C13orf42: variants seen among roughly 807,000 people sequenced by gnomAD.
The protein encoded by C13orf42 is chromosome 13 open reading frame 42, also known as uncharacterized protein C13orf42.
intron 1 of C13orf42, among the ~76,000 whole-genome samples, chr13:51,166,785 T>C (rs1247023220): frequency 2.6e-5 from 4 of 152,098 alleles, no homozygotes; most frequent in Non-Finnish European, 1.5e-5. Context: ...CATATTCAAA[T>C]ATGAAACATC....
intron 1 of C13orf42, among the ~76,000 whole-genome samples, chr13:51,102,487 A>G (rs1385220595): frequency 1.3e-5 from 2 of 152,202 alleles, no homozygotes; most frequent in Non-Finnish European, 2.9e-5. Context: ...GAATAAAACT[A>G]TTTTCACTAA....
chr13:51,099,485 T>C (rs1459556489), intron 1 of C13orf42, among the ~76,000 whole-genome samples: 1 of 152,196 alleles, frequency 6.6e-6, no homozygotes, highest in Non-Finnish European at 1.5e-5. Flanking sequence ...GAAACTCTAG[T>C]ATAACTAAAC....
chr13:51,164,172 C>A (rs1482234591), intron 1 of C13orf42, among the ~76,000 whole-genome samples: 1 of 152,186 alleles, frequency 6.6e-6, no homozygotes, highest in African/African-American at 2.4e-5. Flanking sequence ...AAATTGAAGT[C>A]ATGTCTACTG....
chr13:51,171,637 T>G lies in C13orf42; in HGVS notation n.136+616A>C, dbSNP rs1045202398. Among the ~76,000 whole-genome samples, 13 of 152,294 alleles carry G rather than the reference T, an allele frequency of 8.5e-5. No individual in the cohort carries two copies. The South Asian group carries it at 2.7e-3, about 32-fold the overall frequency. ...TTTTATCACCTCCCCTCCTCACACCTGGTCGGGCTTACAGTTTCGTTCGGT... is the reference window on the plus strand; with the variant it reads ...TTTTATCACCTCCCCTCCTCACACCGGGTCGGGCTTACAGTTTCGTTCGGT... On this transcript the variant is annotated intron_variant and non_coding_transcript_variant, in intron 1 of 4. Coordinates refer to the C13orf42 transcript ENST00000433280.
At chr13:51,161,708 A>G in intron 1 of C13orf42, 1 of 217,326 alleles carries the variant, frequency 4.6e-6, no homozygotes. Flanking sequence ...TCCATTAGGT[A>G]ATGCACGTTG....
intron 1 of C13orf42, among the ~76,000 whole-genome samples, chr13:51,095,433 T>A (rs979942788): frequency 6.6e-6 from 1 of 152,114 alleles, no homozygotes; most frequent in Non-Finnish European, 1.5e-5. Context: ...CATACCCCCC[T>A]CTCTATTTCT....
At chr13:51,153,629 T>C (rs1164487629) in intron 1 of C13orf42, among the ~76,000 whole-genome samples, 1 of 138,046 alleles carries the variant, frequency 7.2e-6, no homozygotes, top group Admixed American at 7.3e-5. Context: ...CTGTTTTTTT[T>C]CTTTTTTTTT....
chr13:51,126,718 G>A (rs909298359), intron 1 of C13orf42, among the ~76,000 whole-genome samples: 1 of 152,210 alleles, frequency 6.6e-6, no homozygotes, highest in African/African-American at 2.4e-5. Context: ...CAGGGACGAT[G>A]GGAGTGAATT....
At chr13:51,164,652 C>T (rs532483953) in intron 1 of C13orf42, among the ~76,000 whole-genome samples, 1 of 152,222 alleles carries the variant, frequency 6.6e-6, no homozygotes, top group Middle Eastern at 3.4e-3. Flanking sequence ...AATGCAAGAC[C>T]CTGTCTCTAA....
At position 51,087,973 on chromosome 13, in the gene C13orf42, G is replaced by A. The variant is rs566803557; in HGVS notation, c.517C>T (p.Arg173Trp). The change falls in exon 2 of 4, where the codon CGG becomes TGG. Residue 173 changes from arginine to tryptophan, a missense_variant. By Grantham distance (101) the Arg-to-Trp change is moderately radical. Coordinates refer to ENST00000563710, the MANE Select transcript of C13orf42 (RefSeq NM_001351589.3). ...IAELDTERRP[R>W]AAEASLPNED... ...TTTGGCAGGCTGGCCTCAGCAGCCC[G>A]GGGTCGTCTCTCTGTATCCAGCTCT... 7 of 398,908 alleles carry A rather than the reference G, an allele frequency of 1.8e-5. No homozygotes were observed. The highest frequency in any genetic ancestry group is 4.4e-5 in the Admixed American group (1 of 22,744). 24.7% of individuals were successfully genotyped at this position (398,908 alleles called of 1,614,324 possible).
chr13:51,162,207 T>G (rs550433654), intron 1 of C13orf42: 4 of 199,760 alleles, frequency 2.0e-5, no homozygotes, highest in Non-Finnish European at 4.2e-5. Flanking sequence ...TTGTGTGTGT[T>G]AGACTTATTT....
intron 1 of C13orf42, among the ~76,000 whole-genome samples, chr13:51,127,575 C>T (rs559074905): frequency 5.3e-5 from 8 of 152,290 alleles, no homozygotes; most frequent in Admixed American, 5.2e-4. Flanking sequence ...ATGAGGCAAA[C>T]ACTGCAAAGT....
At chr13:51,085,787 C>T (rs1388391181) in intron 2 of C13orf42, among the ~76,000 whole-genome samples, 2 of 152,228 alleles carry the variant, frequency 1.3e-5, no homozygotes, top group Admixed American at 6.5e-5. Flanking sequence ...CGGGGGCTCA[C>T]GCCTGTAATC....
chr13:51,094,814 G>A (rs1259437073), intron 1 of C13orf42, among the ~76,000 whole-genome samples: 1 of 151,856 alleles, frequency 6.6e-6, no homozygotes, highest in Non-Finnish European at 1.5e-5. Context: ...CTTTTAATAT[G>A]GTTTGGCTGT....
At chr13:51,109,124 C>T (rs1339874666) in intron 1 of C13orf42, among the ~76,000 whole-genome samples, 1 of 152,240 alleles carries the variant, frequency 6.6e-6, no homozygotes, top group Non-Finnish European at 1.5e-5. Flanking sequence ...TGGCTGGCCA[C>T]AGAGTCAGCA....
intron 1 of C13orf42, among the ~76,000 whole-genome samples, chr13:51,117,882 T>C (rs1218079986): frequency 6.6e-6 from 1 of 152,220 alleles, no homozygotes; most frequent in African/African-American, 2.4e-5. Context: ...TCTTTCCATG[T>C]CATTGCTCCC....
chr13:51,160,470 T>C (rs1256490950), intron 1 of C13orf42, among the ~76,000 whole-genome samples: 2 of 152,136 alleles, frequency 1.3e-5, no homozygotes, highest in East Asian at 1.9e-4. Flanking sequence ...GATTGCACCA[T>C]TGCACTCCAG....
At chr13:51,145,824 C>T (rs778872887) in intron 1 of C13orf42, among the ~76,000 whole-genome samples, 3 of 152,230 alleles carry the variant, frequency 2.0e-5, no homozygotes, top group Non-Finnish European at 4.4e-5. Context: ...CCAGACCGAA[C>T]CAATGTACTT....
intron 1 of C13orf42, among the ~76,000 whole-genome samples, chr13:51,140,378 C>T (rs757243836): frequency 6.6e-5 from 10 of 152,212 alleles, no homozygotes; most frequent in African/African-American, 1.9e-4. Context: ...GGCTGTGACA[C>T]GAGCACGTCC....
Sources: gnomAD v4.1 joint callset for allele counts (sites outside exome capture counted in the v4.1 genomes callset) on GRCh38, gnomAD v4.1.1 for gene constraint, MANE v1.5 for transcripts, NCBI Gene and HGNC (gene_info 2026-07-23, HGNC 2026-07-21) for gene names.